The following NDRG3 variants were observed in gnomAD, a reference collection of about 807,000 sequenced individuals.
NDRG3 encodes protein NDRG3.
Under a neutral mutation model 57.2 loss-of-function variants are expected in NDRG3, and 23 were observed. That is an observed-to-expected ratio of 0.40 (90% CI 0.29 to 0.57). The LOEUF (loss-of-function observed/expected upper bound fraction) is 0.57. NDRG3 is among the 20% of genes least tolerant of loss of function. The probability of loss-of-function intolerance (pLI) is 0.42; values close to 1 mark genes in which losing one functional copy is unlikely to be tolerated. For synonymous variants in NDRG3, 132 were observed against 162.6 expected, an observed-to-expected ratio of 0.81 and a Z score of 1.43; for missense variants, 384 against 457.3, an observed-to-expected ratio of 0.84 and a Z score of 1.46.
chr20:36,672,610 C>A (rs571177711), intron 8 of NDRG3, among the ~76,000 whole-genome samples: 10 of 152,128 alleles, frequency 6.6e-5, no homozygotes. Context: ...CAGCGGATCA[C>A]CTGAGGTCAG....
chr20:36,705,030 A>G (rs1421020908), intron 3 of NDRG3, among the ~76,000 whole-genome samples: 1 of 151,968 alleles, frequency 6.6e-6, no homozygotes, highest in Non-Finnish European at 1.5e-5. Flanking sequence ...AACAAGAAAA[A>G]CCATCTTGGC....
chr20:36,714,367 T>TGCACTCCA (rs1263492230), intron 2 of NDRG3, among the ~76,000 whole-genome samples: 2 of 138,736 alleles, frequency 1.4e-5, no homozygotes, highest in African/African-American at 5.4e-5. Flanking sequence ...ACCACATCAT[T>TGCACTCCA]GCACTCCAGC....
chr20:36,684,611 ACACCGAGGTGGGCAGAT>A (rs1981622320), intron 5 of NDRG3, 136 bp from the exon 6 acceptor site: 1 of 719,846 alleles, frequency 1.4e-6, no homozygotes, highest in Admixed American at 2.3e-5. Flanking sequence ...GCACTTTGGG[ACACCGAGGTGGGCAGAT>A]CACCTGAGGT....
intron 1 of NDRG3, among the ~76,000 whole-genome samples, chr20:36,724,367 A>G (rs1405923332): frequency 1.3e-5 from 2 of 152,142 alleles, no homozygotes; most frequent in Non-Finnish European, 2.9e-5. Flanking sequence ...AGGCACCCAT[A>G]TACTTGATTG....
chr20:36,687,652 T>C, intron 4 of NDRG3, 40 bp from the exon 5 acceptor site: 1 of 1,592,004 alleles, frequency 6.3e-7, no homozygotes, highest in Non-Finnish European at 8.6e-7. Context: ...AGGCTCTCCA[T>C]ATCGCCCCAA....
chr20:36,743,788 A>G (rs1052118153), intron 1 of NDRG3, among the ~76,000 whole-genome samples: 4 of 151,050 alleles, frequency 2.6e-5, no homozygotes, highest in Non-Finnish European at 5.9e-5. Flanking sequence ...ACTGTACTCC[A>G]GCCTGGGCAA....
intron 2 of NDRG3, among the ~76,000 whole-genome samples, chr20:36,709,129 G>T (rs1046936741): frequency 2.6e-5 from 4 of 152,156 alleles, no homozygotes; most frequent in Non-Finnish European, 5.9e-5. Context: ...CCATAAGAGG[G>T]ACTATCTAGA....
chr20:36,691,432 G>A (rs8124121), intron 3 of NDRG3, among the ~76,000 whole-genome samples: 2,624 of 152,274 alleles, frequency 0.017, 67 homozygotes, highest in African/African-American at 0.06. Context: ...ATAAAGTATA[G>A]GCCAGGCGCG....
intron 1 of NDRG3, among the ~76,000 whole-genome samples, chr20:36,740,820 G>C (rs1985893391): frequency 6.6e-6 from 1 of 152,232 alleles, no homozygotes; most frequent in Non-Finnish European, 1.5e-5. Flanking sequence ...AATTTCACAT[G>C]AATGAGAGAA....
chr20:36,674,525 CACTA>C (rs1238641509), intron 8 of NDRG3, among the ~76,000 whole-genome samples: 2 of 148,988 alleles, frequency 1.3e-5, no homozygotes, highest in Non-Finnish European at 3.0e-5. Flanking sequence ...TTTTAAGGAT[CACTA>C]ACTACCTTTC....
At chr20:36,732,265 A>C (rs1985331084) in intron 1 of NDRG3, among the ~76,000 whole-genome samples, 1 of 152,248 alleles carries the variant, frequency 6.6e-6, no homozygotes. Context: ...CAAGTTTTAC[A>C]GCAAAACTCC....
chr20:36,724,335 A>G (rs1984788942), intron 1 of NDRG3, among the ~76,000 whole-genome samples: 1 of 152,192 alleles, frequency 6.6e-6, no homozygotes, highest in African/African-American at 2.4e-5. Flanking sequence ...CCTATAGGAC[A>G]GTGGTTCTTT....
At chr20:36,714,811 C>T (rs1334789242) in intron 2 of NDRG3, among the ~76,000 whole-genome samples, 1 of 151,022 alleles carries the variant, frequency 6.6e-6, no homozygotes, top group East Asian at 2.0e-4. Context: ...CGGAGTTTCT[C>T]CATGTTGGTA....
intron 1 of NDRG3, among the ~76,000 whole-genome samples, chr20:36,741,608 T>C (rs1258070788): frequency 6.6e-6 from 1 of 152,220 alleles, no homozygotes; most frequent in Non-Finnish European, 1.5e-5. Context: ...CCATTAGAGC[T>C]TGGTATATAT....
Position 36,655,545 on chromosome 20 carries a change from C to T in NDRG3, c.946+815G>A, listed in dbSNP as rs1228277776. ...TCTAAAACACTCTCCAAGTTCGTCCCCTGGGGTGGAGGAGACTTTACCAAG... is the reference window on the plus strand; with the variant it reads ...TCTAAAACACTCTCCAAGTTCGTCCTCTGGGGTGGAGGAGACTTTACCAAG... On this transcript the variant is annotated intron_variant, in intron 15 of 15. Transcript: ENST00000349004. 3.3e-5 allele frequency among the ~76,000 whole-genome samples: 5 copies of T among 152,194 alleles called. No homozygotes were observed. In the East Asian group the frequency reaches 7.7e-4, roughly 23 times the overall value.
At chr20:36,736,427 C>CTAGG (rs1284409279) in intron 1 of NDRG3, among the ~76,000 whole-genome samples, 1 of 152,150 alleles carries the variant, frequency 6.6e-6, no homozygotes, top group Non-Finnish European at 1.5e-5. Flanking sequence ...ACACAGCCAG[C>CTAGG]TAGGTGTGGA....
At chr20:36,710,587 T>A (rs1241697805) in intron 2 of NDRG3, among the ~76,000 whole-genome samples, 1 of 151,956 alleles carries the variant, frequency 6.6e-6, no homozygotes, top group Non-Finnish European at 1.5e-5. Flanking sequence ...GGCGGATAGA[T>A]CATGAGGTCA....
intron 2 of NDRG3, among the ~76,000 whole-genome samples, chr20:36,716,009 G>A (rs1463053037): frequency 6.6e-6 from 1 of 151,982 alleles, no homozygotes; most frequent in Non-Finnish European, 1.5e-5. Context: ...GCTGAGGCAG[G>A]AGAATCACTT....
At chr20:36,677,255 C>T (rs918871809) in intron 8 of NDRG3, among the ~76,000 whole-genome samples, 8 of 152,214 alleles carry the variant, frequency 5.3e-5, no homozygotes, top group Non-Finnish European at 8.8e-5. Context: ...CTCCAAGCCC[C>T]GGGGCCATGA....
Sources: allele counts gnomAD v4.1 joint callset (sites outside exome capture counted in the v4.1 genomes callset), GRCh38; gene constraint gnomAD v4.1.1; transcripts MANE v1.5; gene names NCBI Gene and HGNC (gene_info 2026-07-23, HGNC 2026-07-21).